Variants in BCR observed in about 807,000 individuals in gnomAD.
The protein encoded by BCR is breakpoint cluster region protein.
BCR carries 58 observed loss-of-function variants against 138.6 expected under a neutral mutation model. That is an observed-to-expected ratio of 0.42 (90% CI 0.34 to 0.52). The LOEUF (loss-of-function observed/expected upper bound fraction) is 0.52. Ranked by LOEUF, BCR falls within the 20% of genes least tolerant of loss-of-function variation. The probability of loss-of-function intolerance (pLI) is 0.06; values close to 1 mark genes in which losing one functional copy is unlikely to be tolerated. For synonymous variants in BCR, 786 were observed against 730.1 expected (o/e 1.08, Z -1.23); for missense variants, 1,599 against 1,727.2 (o/e 0.93, Z 1.32).
intron 1 of BCR, among the ~76,000 whole-genome samples, chr22:23,241,711 C>T (rs529656010): frequency 3.3e-5 from 5 of 152,160 alleles, no homozygotes; most frequent in Admixed American, 2.0e-4. Context: ...CGTCAGTGCC[C>T]CTGCCTGCGT....
intron 1 of BCR, among the ~76,000 whole-genome samples, chr22:23,225,386 A>C (rs932197587): frequency 3.0e-5 from 4 of 135,494 alleles, no homozygotes; most frequent in Non-Finnish European, 6.5e-5. Context: ...ACCCTGCGGC[A>C]GGCTGGCCAG....
At chr22:23,278,165 G>A (rs557890268) in intron 8 of BCR, among the ~76,000 whole-genome samples, 5 of 152,354 alleles carry the variant, frequency 3.3e-5, no homozygotes, top group Admixed American at 6.5e-5. Context: ...GTGCTGCTCA[G>A]CACCCCCTCC....
In BCR at chr22:23,249,829, A is replaced by G. The variant is rs1602062755; in HGVS notation, c.1280-3970A>G. Among the ~76,000 whole-genome samples the G allele has an allele frequency of 1.3e-5, 2 of 152,192 alleles. 1 individual carries two copies. The highest frequency in any genetic ancestry group is 4.1e-4 in the South Asian group (2 of 4,832). The stretch of plus-strand genomic sequence containing the variant: ...AGCTGAGGCAGGGGCTGAAGCCCTC[A>G]TATGGAACGTGGCAGGGATGAGCAG... On this transcript the variant is annotated intron_variant, in intron 1 of 22. Coordinates refer to ENST00000305877, the MANE Select transcript of BCR (RefSeq NM_004327.4).
intron 2 of BCR, among the ~76,000 whole-genome samples, chr22:23,256,301 TCA>T (rs1244100711): frequency 1.8e-4 from 28 of 152,146 alleles, no homozygotes; most frequent in African/African-American, 6.0e-4. Context: ...CTTTGGGGTG[TCA>T]GTGGACTCCT....
chr22:23,252,465 C>T (rs1303997242), intron 1 of BCR, among the ~76,000 whole-genome samples: 3 of 126,254 alleles, frequency 2.4e-5, no homozygotes, highest in African/African-American at 9.5e-5. Flanking sequence ...GAGTCTTGCT[C>T]TGTCACCTAG....
intron 22 of BCR, among the ~76,000 whole-genome samples, chr22:23,314,987 G>A (rs1234662308): frequency 6.6e-6 from 1 of 152,238 alleles, no homozygotes; most frequent in African/African-American, 2.4e-5. Flanking sequence ...CACTTTGGGA[G>A]GCCAAGGCAG....
chr22:23,274,565 C>G (rs2073549978), intron 8 of BCR, among the ~76,000 whole-genome samples: 1 of 152,208 alleles, frequency 6.6e-6, no homozygotes, highest in Admixed American at 6.5e-5. Flanking sequence ...CAGAAGCTGT[C>G]TGGCCCAGGC....
intron 1 of BCR, among the ~76,000 whole-genome samples, chr22:23,190,748 C>T (rs557283860): frequency 2.0e-5 from 3 of 152,026 alleles, no homozygotes; most frequent in African/African-American, 4.8e-5. Flanking sequence ...GTGAGCCAAG[C>T]GTCATGTGGT....
chr22:23,256,915 C>T lies in BCR; in HGVS notation c.1461+2935C>T, dbSNP rs115397854. 6.3e-3 allele frequency among the ~76,000 whole-genome samples: 959 copies of T among 152,214 alleles called. 9 individuals are homozygous for T. The highest frequency in any genetic ancestry group is 0.021 in the African/African-American group (875 of 41,518). ...TAGCCTCAAGTTTTGTGTTTGTACC[C>T]ACCTAGGTAGGGTCATGGTAGGAGG... On this transcript the variant is annotated intron_variant, in intron 2 of 22. Transcript: ENST00000305877.
intron 4 of BCR, chr22:23,264,187 C>T (rs2073408771): frequency 3.1e-6 from 4 of 1,288,474 alleles, no homozygotes; most frequent in Admixed American, 1.7e-5. Flanking sequence ...ACAGGTTCCT[C>T]CTTCTATAGC....
intron 1 of BCR, among the ~76,000 whole-genome samples, chr22:23,197,322 A>G (rs1431559666): frequency 6.6e-6 from 1 of 152,148 alleles, no homozygotes; most frequent in Non-Finnish European, 1.5e-5. Flanking sequence ...TGATGTTTGC[A>G]TGAAGATGAC....
rs2073350833 is a variant in BCR, at chr22:23,261,052, C to A, written c.1564C>A (p.Leu522Met). ...CCTGAGCCACCTGGAGGCACTGCTG[C>A]TGGTGAGGAGGATTTAGGGAGCTGA... ...TYLSHLEALL[L>M]PMKPLKAAAT... Residue 522 changes from leucine (L) to methionine (M), a missense_variant and splice_region_variant, in exon 3 of 23, where the codon CTG (leucine) becomes ATG (methionine). By Grantham distance (15) the Leu-to-Met change is conservative. Transcript: ENST00000305877. The A allele has an allele frequency of 6.2e-7, 1 of 1,613,210 alleles. No individual in the cohort carries two copies. Among genetic ancestry groups the A allele is most frequent in the African/African-American group, 1.3e-5 (1 of 74,906 alleles).
chr22:23,312,427 T>C (rs1478943664), intron 19 of BCR: 1 of 175,528 alleles, frequency 5.7e-6, no homozygotes, highest in Non-Finnish European at 1.2e-5. Context: ...TAGTTTCAGC[T>C]CCCTCTGGGG....
At chr22:23,238,688 T>A (rs2073053250) in intron 1 of BCR, among the ~76,000 whole-genome samples, 1 of 152,146 alleles carries the variant, frequency 6.6e-6, no homozygotes. Flanking sequence ...GCTGGCGTCC[T>A]GAACACCTGT....
chr22:23,220,493 A>G (rs2072812073), intron 1 of BCR, among the ~76,000 whole-genome samples: 1 of 152,168 alleles, frequency 6.6e-6, no homozygotes, highest in Admixed American at 6.5e-5. Flanking sequence ...TGCTGAAAAC[A>G]TGGGAATCCC....
At chr22:23,193,692 G>A (rs915697027) in intron 1 of BCR, among the ~76,000 whole-genome samples, 1 of 152,206 alleles carries the variant, frequency 6.6e-6, no homozygotes, top group Admixed American at 6.5e-5. Context: ...TTCCCCTTTT[G>A]GGGAGAGGCT....
intron 1 of BCR, among the ~76,000 whole-genome samples, chr22:23,248,063 G>A (rs1278527800): frequency 6.6e-6 from 1 of 152,196 alleles, no homozygotes; most frequent in African/African-American, 2.4e-5. Flanking sequence ...TCTTTTAGAG[G>A]CTGGGCGCAG....
At chr22:23,222,681 G>A (rs900697656) in intron 1 of BCR, among the ~76,000 whole-genome samples, 3 of 152,280 alleles carry the variant, frequency 2.0e-5, no homozygotes, top group South Asian at 4.1e-4. Flanking sequence ...CAGACCAGAC[G>A]TGGGCTATGT....
Position 23,288,190 on chromosome 22 carries a change from T to C in BCR, c.2602+18T>C. On this transcript the variant is annotated intron_variant, in intron 12 of 22. Transcript: ENST00000305877. ...GAAGAAGTGTGAGTATCCTCTGTCC[T>C]GAGAGGGGCTGGGCTTCAAACCATT... The C allele has an allele frequency of 9.9e-6, 16 of 1,609,884 alleles. No homozygotes were observed. The highest frequency in any genetic ancestry group is 1.3e-5 in the Non-Finnish European group (15 of 1,176,136).
Sources: allele counts gnomAD v4.1 joint callset (sites outside exome capture counted in the v4.1 genomes callset), GRCh38; gene constraint gnomAD v4.1.1; transcripts MANE v1.5; gene names NCBI Gene and HGNC (gene_info 2026-07-23, HGNC 2026-07-21).